The following GREB1 variants were observed in gnomAD, a reference collection of about 807,000 sequenced individuals.
The protein encoded by GREB1 is protein GREB1.
Under a neutral mutation model 200.7 loss-of-function variants are expected in GREB1, and 106 were observed. The observed-to-expected ratio is 0.53, with a 90% confidence interval of 0.45 to 0.62. The LOEUF (loss-of-function observed/expected upper bound fraction) is 0.62. GREB1 is among the 20% of genes least tolerant of loss of function. The probability of loss-of-function intolerance (pLI) is 0.00; values close to 1 mark genes in which losing one functional copy is unlikely to be tolerated. For missense variants in GREB1, 2,243 were observed against 2,556.8 expected (o/e 0.88, Z 2.65); for synonymous variants, 1,132 against 1,092.4 (o/e 1.04, Z -0.72).
chr2:11,498,664 G>C (rs999047553), intron 1 of GREB1, among the ~76,000 whole-genome samples: 4 of 152,320 alleles, frequency 2.6e-5, no homozygotes, highest in African/African-American at 9.6e-5. Context: ...TTTTGCTGCT[G>C]GGCAGCTGGG....
At chr2:11,549,133 G>GT (rs1675569483) in intron 1 of GREB1, among the ~76,000 whole-genome samples, 1 of 152,012 alleles carries the variant, frequency 6.6e-6, no homozygotes, top group South Asian at 2.1e-4. Context: ...GGAAATCTAT[G>GT]TTTTTCAGCT....
chr2:11,623,076 G>A (rs188488114), intron 23 of GREB1, among the ~76,000 whole-genome samples: 28 of 152,312 alleles, frequency 1.8e-4, no homozygotes, highest in African/African-American at 6.7e-4. Flanking sequence ...ATTTAGTCGT[G>A]CGCCACATAA....
intron 1 of GREB1, among the ~76,000 whole-genome samples, chr2:11,545,649 T>C (rs190791361): frequency 3.3e-5 from 5 of 152,366 alleles, no homozygotes; most frequent in South Asian, 2.1e-4. Flanking sequence ...AGGGCCATCA[T>C]TGGACATTCT....
rs1343965206 is a variant in GREB1, at chr2:11,640,321, G to T, written c.5717G>T (p.Arg1906Leu). 6.2e-7 allele frequency: 1 copy of T among 1,613,718 alleles called. No homozygotes were observed. Among genetic ancestry groups the T allele is most frequent in the Non-Finnish European group, 8.5e-7 (1 of 1,179,950 alleles). Residue 1906 changes from arginine (R) to leucine (L), a missense_variant, in exon 33 of 33, where the codon CGG (arginine) becomes CTG (leucine). By Grantham distance (102) the Arg-to-Leu change is moderately radical. Coordinates refer to ENST00000381486, the MANE Select transcript of GREB1 (RefSeq NM_014668.4). The surrounding 1 kb of genome is among the most constrained non-coding windows in gnomAD (Gnocchi z 4.6). ...GATLCVICQDRSSLRQTVVRL... is the reference protein window; with the variant it reads ...GATLCVICQDLSSLRQTVVRL... ...ACGTTGTGTGTCATCTGTCAGGACC[G>T]GAGCTCACTGCGCCAGACGGTCGTC...
chr2:11,490,672 C>T (rs1672756970), intron 1 of GREB1, among the ~76,000 whole-genome samples: 4 of 152,200 alleles, frequency 2.6e-5, no homozygotes, highest in African/African-American at 7.2e-5. Context: ...TCTCAGCCTC[C>T]TGAGTAGCTG....
At chr2:11,585,991 G>T in intron 9 of GREB1, 86 bp downstream of exon 9, 7 of 1,396,050 alleles carry the variant, frequency 5.0e-6, no homozygotes, top group Non-Finnish European at 7.1e-6. Flanking sequence ...CCTCATCCCG[G>T]TCTGACTCCA....
chr2:11,538,911 CCCCTCCCCTCCCCTCG>C (rs1558512015), intron 1 of GREB1, among the ~76,000 whole-genome samples: 6 of 45,362 alleles, frequency 1.3e-4, no homozygotes, highest in Non-Finnish European at 1.9e-4. Context: ...TCCTTCCTTC[CCCCTCCCCTCCCCTCG>C]TGTCCCCTCC....
Position 11,615,137 on chromosome 2 carries a change from G to T in GREB1, c.3169G>T (p.Val1057Leu), listed in dbSNP as rs764044844. ...GCGATTGATAAACTCCTCCTGCTTG[G>T]TGAGAACAGCCTTGGAGCAGGAGCT... ...DLRLINSSCL[V>L]RTALEQELGL... Residue 1057 changes from valine (V) to leucine (L), a missense_variant, in exon 20 of 33, where the codon GTG (valine) becomes TTG (leucine). This residue lies in a region of GREB1 where 1,178 missense variants were observed against 1,387.4 expected (regional missense o/e 0.85). Coordinates refer to ENST00000381486, the MANE Select transcript of GREB1 (RefSeq NM_014668.4). 1.6e-5 allele frequency: 26 copies of T among 1,614,038 alleles called. No individual in the cohort carries two copies. Among genetic ancestry groups the T allele is most frequent in the Non-Finnish European group, 2.2e-5 (26 of 1,179,998 alleles).
At chr2:11,634,039 A>C in intron 28 of GREB1, 92 bp from the exon 29 acceptor site, 3 of 1,196,918 alleles carry the variant, frequency 2.5e-6, no homozygotes, top group Non-Finnish European at 2.5e-6. Context: ...TGTTCACGGC[A>C]GTCTGAGAGC....
At chr2:11,617,595 G>A (rs1683529658) in intron 21 of GREB1, among the ~76,000 whole-genome samples, 2 of 152,258 alleles carry the variant, frequency 1.3e-5, no homozygotes, top group Admixed American at 1.3e-4. Context: ...GAGAGCAGCT[G>A]ACCCTCAGTC....
At chr2:11,499,780 A>G (rs1672979786) in intron 1 of GREB1, among the ~76,000 whole-genome samples, 1 of 152,244 alleles carries the variant, frequency 6.6e-6, no homozygotes, top group Non-Finnish European at 1.5e-5. Flanking sequence ...TGCACATTTT[A>G]CAAAAAAGGC....
chr2:11,574,509 G>A (rs1025267880), intron 4 of GREB1, among the ~76,000 whole-genome samples: 27 of 152,136 alleles, frequency 1.8e-4, no homozygotes, highest in African/African-American at 6.3e-4. Context: ...GAGCGGGCTG[G>A]GTTGAAAGGC....
At chr2:11,564,848 C>G (rs1166272453) in intron 3 of GREB1, among the ~76,000 whole-genome samples, 1 of 152,234 alleles carries the variant, frequency 6.6e-6, no homozygotes, top group African/African-American at 2.4e-5. Flanking sequence ...TTCCACGTGG[C>G]TGGGGAGGCC....
intron 15 of GREB1, among the ~76,000 whole-genome samples, chr2:11,599,091 A>T (rs1681525172): frequency 6.6e-6 from 1 of 152,170 alleles, no homozygotes; most frequent in African/African-American, 2.4e-5. Context: ...GGGCTGGAGA[A>T]GGGAAGCGTG....
chr2:11,607,493 C>CATATATGTACAT (rs1174344382), intron 17 of GREB1, among the ~76,000 whole-genome samples: 1 of 142,772 alleles, frequency 7.0e-6, no homozygotes, highest in East Asian at 2.0e-4. Flanking sequence ...CATATATATA[C>CATATATGTACAT]ACATATATAT....
At chr2:11,576,011 AG>A in intron 4 of GREB1, among the ~76,000 whole-genome samples, 1 of 152,198 alleles carries the variant, frequency 6.6e-6, no homozygotes, top group Non-Finnish European at 1.5e-5. Context: ...GGCTAGTCTA[AG>A]AGGGTGGGGT....
intron 1 of GREB1, among the ~76,000 whole-genome samples, chr2:11,527,238 A>G (rs960779757): frequency 9.2e-5 from 14 of 152,206 alleles, no homozygotes; most frequent in African/African-American, 3.1e-4. Context: ...GTCAAAAAAA[A>G]TGGGGAAGTG....
At chr2:11,584,005 C>T (rs530230548) in intron 7 of GREB1, among the ~76,000 whole-genome samples, 9 of 152,244 alleles carry the variant, frequency 5.9e-5, no homozygotes, top group Admixed American at 2.0e-4. Flanking sequence ...CCTCGGGTCA[C>T]ACCTGGAGAA....
chr2:11,617,573 C>T (rs957944582), intron 21 of GREB1, among the ~76,000 whole-genome samples: 16 of 152,362 alleles, frequency 1.1e-4, no homozygotes, highest in South Asian at 4.1e-4. Context: ...GGTGAGGTTA[C>T]CACAGGTTTG....
Sources: allele counts gnomAD v4.1 joint callset (sites outside exome capture counted in the v4.1 genomes callset), GRCh38; gene constraint gnomAD v4.1.1; regional missense constraint gnomAD v4.1.1; non-coding constraint Gnocchi (gnomAD v3.1); transcripts MANE v1.5; gene names NCBI Gene and HGNC (gene_info 2026-07-23, HGNC 2026-07-21).